RPS6KA6: variants seen among roughly 807,000 people sequenced by gnomAD.
The protein encoded by RPS6KA6 is ribosomal protein S6 kinase A6.
In RPS6KA6, 27 loss-of-function variants were observed where a neutral mutation model predicts 65.4. The observed-to-expected ratio is 0.41, with a 90% CI of 0.30 to 0.57. The LOEUF is 0.57. Among genes scored for constraint, RPS6KA6 ranks in the 20% least tolerant of loss-of-function variants. The pLI is 0.24. For synonymous variants in RPS6KA6, 190 were observed against 184.2 expected (o/e 1.03, Z -0.26); for missense variants, 486 against 555.6 (o/e 0.87, Z 1.26).
chrX:84,109,040 T>G (rs936153430), intron 12 of RPS6KA6, among the ~76,000 whole-genome samples: 2 of 110,955 alleles, frequency 1.8e-5, no homozygotes, highest in Non-Finnish European at 3.8e-5. Context: ...GCTCCCTCAA[T>G]AGCTGCGCCC....
intron 13 of RPS6KA6, 135 bp downstream of exon 13, chrX:84,107,488 A>G (rs2034383079): frequency 2.5e-6 from 1 of 397,159 alleles, no homozygotes; most frequent in African/African-American, 2.6e-5. Flanking sequence ...TGTTTTGTAT[A>G]GGATCCATAT....
intron 20 of RPS6KA6, among the ~76,000 whole-genome samples, chrX:84,068,410 T>C (rs1407816484): frequency 8.9e-6 from 1 of 111,819 alleles, no homozygotes; most frequent in Non-Finnish European, 1.9e-5. Flanking sequence ...AAACTAGGTA[T>C]TGATGAAACA....
intron 6 of RPS6KA6, among the ~76,000 whole-genome samples, chrX:84,142,510 A>G (rs763357821): frequency 3.6e-5 from 4 of 111,588 alleles, no homozygotes; most frequent in Non-Finnish European, 7.6e-5. Flanking sequence ...AAAGCAGAAA[A>G]CAATGTAATA....
intron 20 of RPS6KA6, among the ~76,000 whole-genome samples, chrX:84,070,075 T>C (rs1421173467): frequency 8.9e-6 from 1 of 112,273 alleles, no homozygotes; most frequent in Non-Finnish European, 1.9e-5. Flanking sequence ...TACCCAAATA[T>C]TATAAATCAT....
upstream of RPS6KA6, among the ~76,000 whole-genome samples, chrX:84,188,381 G>A (rs1465513911): frequency 9.1e-6 from 1 of 110,074 alleles, no homozygotes; most frequent in East Asian, 2.9e-4. Context: ...GGGGCGGGGT[G>A]GATGCGGGGG....
intron 20 of RPS6KA6, among the ~76,000 whole-genome samples, chrX:84,089,548 T>C (rs1020992832): frequency 9.0e-6 from 1 of 111,260 alleles, no homozygotes; most frequent in Admixed American, 9.5e-5. Flanking sequence ...GCTGCCCCAC[T>C]GAGACTCCTC....
In RPS6KA6 at chrX:84,081,950, A is replaced by C. The variant is rs1356097481; in HGVS notation, c.1971+14244T>G. Among the ~76,000 whole-genome samples, 4 of 112,243 alleles carry C rather than the reference A, an allele frequency of 3.6e-5. 1 individual carries two copies. The Admixed American group carries it at 3.8e-4, about 11-fold the overall frequency. On this transcript the variant is annotated intron_variant, in intron 20 of 21. Transcript: ENST00000262752. ...AGGTATTGATGGAACATATTTCAAA[A>C]TAGTAAGAGCTATTTATGAGGAACC...
chrX:84,096,121 C>T, intron 20 of RPS6KA6, 73 bp downstream of exon 20: 1 of 643,695 alleles, frequency 1.6e-6, no homozygotes, highest in Non-Finnish European at 2.6e-6. Flanking sequence ...TCTGCAAACA[C>T]ACACTAAGCT....
intron 1 of RPS6KA6, chrX:84,186,261 A>T (rs1177158558): frequency 1.0e-5 from 4 of 394,159 alleles, no homozygotes; most frequent in Non-Finnish European, 1.3e-5. Context: ...GTAGGCATGC[A>T]AAAGGATTCC....
intron 1 of RPS6KA6, among the ~76,000 whole-genome samples, chrX:84,168,570 C>T (rs775983602): frequency 9.0e-6 from 1 of 111,149 alleles, no homozygotes; most frequent in South Asian, 3.8e-4. Context: ...GGAAAACAGT[C>T]CAGAAATCAA....
intron 8 of RPS6KA6, among the ~76,000 whole-genome samples, chrX:84,124,813 T>C (rs1162965188): frequency 1.8e-5 from 2 of 111,443 alleles, no homozygotes; most frequent in African/African-American, 3.3e-5. Context: ...AAGAAAGTTA[T>C]AGAACATCCA....
At chrX:84,131,485 T>C (rs1398510411) in intron 8 of RPS6KA6, among the ~76,000 whole-genome samples, 2 of 112,194 alleles carry the variant, frequency 1.8e-5, no homozygotes, top group African/African-American at 3.2e-5. Flanking sequence ...ATAATTAACA[T>C]CTAGTCTTCG....
intron 20 of RPS6KA6, among the ~76,000 whole-genome samples, chrX:84,095,432 C>T (rs1055604561): frequency 9.0e-6 from 1 of 110,809 alleles, no homozygotes; most frequent in South Asian, 3.8e-4. Context: ...CTATTTTTTC[C>T]CCCAAATAAA....
intron 1 of RPS6KA6, among the ~76,000 whole-genome samples, chrX:84,171,927 G>C (rs2147626396): frequency 9.0e-6 from 1 of 111,181 alleles, no homozygotes; most frequent in South Asian, 3.9e-4. Context: ...GTGAGAACAT[G>C]TGGTGTTCGG....
chrX:84,063,949 A>G lies in RPS6KA6; in HGVS notation c.*328T>C, dbSNP rs2016144828. 1 of 160,690 alleles carries G rather than the reference A, an allele frequency of 6.2e-6. No homozygotes were observed. The highest frequency in any genetic ancestry group is 7.5e-5 in the Admixed American group (1 of 13,294). The allele number at this position is 160,690 out of a possible 1,213,427, so 13.2% of individuals were successfully genotyped here. On this transcript the variant is annotated 3_prime_UTR_variant, in exon 22 of 22. Transcript: ENST00000262752. ...ACTGATTGTTGGTAATGACTCCCCA[A>G]ACCATAATTGTATGAAACAAGAAAA... is the stretch of plus-strand genomic sequence containing the variant.
chrX:84,136,989 C>T (rs954258493), intron 6 of RPS6KA6, among the ~76,000 whole-genome samples: 3 of 111,935 alleles, frequency 2.7e-5, no homozygotes, highest in African/African-American at 9.7e-5. Context: ...GCAATGTTTG[C>T]TTTTCTAAAA....
chrX:84,107,702 T>C lies in RPS6KA6; in HGVS notation c.1032A>G (p.Gln344=), dbSNP rs753454494. Residue 344 remains glutamine (Q), a synonymous_variant, in exon 13 of 22, where the codon CAA becomes CAG. Coordinates refer to ENST00000262752, the MANE Select transcript of RPS6KA6 (RefSeq NM_014496.5). The part of the protein sequence containing the change: ...DWDKLYKREV[Q]PPFKPASGKP... ...TTCCAGAAGCAGGTTTGAAAGGAGGTTGAACTTCTCTTTTATATAATTTCT... is the reference window on the plus strand; with the variant it reads ...TTCCAGAAGCAGGTTTGAAAGGAGGCTGAACTTCTCTTTTATATAATTTCT... 8 of 1,176,239 alleles carry C rather than the reference T, an allele frequency of 6.8e-6. No homozygotes were observed. The highest frequency in any genetic ancestry group is 3.7e-5 in the South Asian group (2 of 54,103).
intron 6 of RPS6KA6, among the ~76,000 whole-genome samples, chrX:84,138,335 T>C (rs1260063337): frequency 9.0e-6 from 1 of 110,593 alleles, no homozygotes; most frequent in African/African-American, 3.3e-5. Flanking sequence ...TGAGGATCAC[T>C]GGAGCCCAGG....
chrX:84,178,321 C>A (rs2035799278), intron 1 of RPS6KA6, among the ~76,000 whole-genome samples: 1 of 111,340 alleles, frequency 9.0e-6, no homozygotes, highest in African/African-American at 3.3e-5. Context: ...AGGAGATAAG[C>A]AGAGAAGTAT....
Sources: allele counts gnomAD v4.1 joint callset (sites outside exome capture counted in the v4.1 genomes callset), GRCh38; gene constraint gnomAD v4.1.1; transcripts MANE v1.5; gene names NCBI Gene and HGNC (gene_info 2026-07-23, HGNC 2026-07-21).